The following ARMC9 variants were observed in gnomAD, a reference collection of about 807,000 sequenced individuals.
The protein encoded by ARMC9 is lisH domain-containing protein ARMC9.
In ARMC9, 94 loss-of-function variants were observed where a neutral mutation model predicts 107.0. The observed-to-expected ratio is 0.88, with a 90% CI of 0.74 to 1.04. The LOEUF is 1.04. Among genes scored for constraint, ARMC9 ranks in the 50% least tolerant of loss-of-function variants. The probability of loss-of-function intolerance (pLI) is 0.00; values close to 1 mark genes in which losing one functional copy is unlikely to be tolerated. For missense variants in ARMC9, 942 were observed against 1,030.1 expected, an observed-to-expected ratio of 0.91 and a Z score of 1.17; for synonymous variants, 380 against 396.9, an observed-to-expected ratio of 0.96 and a Z score of 0.51.
intron 9 of ARMC9, among the ~76,000 whole-genome samples, chr2:231,251,447 G>C (rs2037290238): frequency 6.6e-6 from 1 of 152,170 alleles, no homozygotes; most frequent in Non-Finnish European, 1.5e-5. Flanking sequence ...TGACAGATGT[G>C]AGCCACTGCA....
At chr2:231,345,187 T>C in intron 21 of ARMC9, 97 bp downstream of exon 21, 2 of 1,552,050 alleles carry the variant, frequency 1.3e-6, no homozygotes, top group Middle Eastern at 1.8e-4. Flanking sequence ...AAATAAAGCA[T>C]TCATTTTGAA....
At chr2:231,242,846 C>T (rs189707642) in intron 9 of ARMC9, among the ~76,000 whole-genome samples, 15 of 152,232 alleles carry the variant, frequency 9.9e-5, no homozygotes, top group African/African-American at 3.4e-4. Flanking sequence ...GGCATGGTGG[C>T]GCACACCTGT....
At chr2:231,309,374 C>T (rs1461929286) in intron 19 of ARMC9, among the ~76,000 whole-genome samples, 1 of 152,148 alleles carries the variant, frequency 6.6e-6, no homozygotes, top group Admixed American at 6.5e-5. Flanking sequence ...TTTACCAAAG[C>T]AGTGATGAGT....
At chr2:231,335,645 T>A (rs2044037704) in intron 20 of ARMC9, among the ~76,000 whole-genome samples, 1 of 152,216 alleles carries the variant, frequency 6.6e-6, no homozygotes, top group African/African-American at 2.4e-5. Context: ...TGCTTACTCG[T>A]AATTCTAGTG....
At chr2:231,371,473 C>A (rs2046018531) in intron 24 of ARMC9, 40 bp from the exon 25 acceptor site, 3 of 1,256,066 alleles carry the variant, frequency 2.4e-6, no homozygotes, top group African/African-American at 1.5e-5. Flanking sequence ...TGTGCGGAGA[C>A]CACACAGCAC....
Position 231,314,228 on chromosome 2 carries a change from C to T in ARMC9, c.1774-17565C>T, listed in dbSNP as rs141818695. On this transcript the variant is annotated intron_variant, in intron 19 of 24. Transcript: ENST00000611582. ...CCAAGTAGCTGGGATTACAGGCATG[C>T]GCCACCATGCCCGGCTAATTTTGTG... Among the ~76,000 whole-genome samples, 1,042 of 151,970 alleles carry T rather than the reference C, an allele frequency of 6.9e-3. 11 individuals are homozygous for T. The highest frequency in any genetic ancestry group is 0.024 in the African/African-American group (993 of 41,446).
chr2:231,235,606 C>G (rs563651017), intron 8 of ARMC9, among the ~76,000 whole-genome samples: 1 of 152,164 alleles, frequency 6.6e-6, no homozygotes, highest in South Asian at 2.1e-4. Flanking sequence ...TCTTAACATA[C>G]TGTCTGCCAT....
At chr2:231,351,309 C>G (rs1424422117) in intron 21 of ARMC9, among the ~76,000 whole-genome samples, 1 of 151,778 alleles carries the variant, frequency 6.6e-6, no homozygotes, top group Non-Finnish European at 1.5e-5. Flanking sequence ...CCAGGGAATC[C>G]CAGCAGAGAG....
chr2:231,216,025 C>T (rs1395626899), intron 4 of ARMC9, among the ~76,000 whole-genome samples: 1 of 152,214 alleles, frequency 6.6e-6, no homozygotes, highest in Non-Finnish European at 1.5e-5. Flanking sequence ...CAAAGCCCCA[C>T]ATTCACCTCC....
intron 7 of ARMC9, among the ~76,000 whole-genome samples, chr2:231,231,382 A>C (rs999950702): frequency 6.6e-6 from 1 of 152,074 alleles, no homozygotes; most frequent in African/African-American, 2.4e-5. Context: ...TATATGAAAA[A>C]CTTTATTTGT....
intron 19 of ARMC9, among the ~76,000 whole-genome samples, chr2:231,315,686 G>C (rs926949956): frequency 3.3e-5 from 5 of 152,032 alleles, no homozygotes; most frequent in African/African-American, 1.2e-4. Flanking sequence ...CAAAACACGA[G>C]TTCTTCAACT....
intron 20 of ARMC9, among the ~76,000 whole-genome samples, chr2:231,340,264 T>A (rs2044416223): frequency 6.6e-6 from 1 of 152,176 alleles, no homozygotes; most frequent in African/African-American, 2.4e-5. Flanking sequence ...AACATGTGGT[T>A]TTTTTCTTCT....
intron 3 of ARMC9, among the ~76,000 whole-genome samples, chr2:231,213,961 T>A (rs192348963): frequency 6.6e-6 from 1 of 152,374 alleles, no homozygotes; most frequent in Non-Finnish European, 1.5e-5. Flanking sequence ...TGCATTGTTT[T>A]GGACTCTTAA....
At chr2:231,303,859 C>T (rs1294781010) in intron 19 of ARMC9, among the ~76,000 whole-genome samples, 1 of 152,160 alleles carries the variant, frequency 6.6e-6, no homozygotes, top group Non-Finnish European at 1.5e-5. Context: ...TTGCTTGAAC[C>T]TGGGAGGTGG....
intron 1 of ARMC9, among the ~76,000 whole-genome samples, chr2:231,205,744 C>T (rs2031880269): frequency 6.6e-6 from 1 of 152,244 alleles, no homozygotes; most frequent in African/African-American, 2.4e-5. Flanking sequence ...TTTCACTGAG[C>T]TGAAGTCAAG....
At chr2:231,313,727 G>A (rs895711425) in intron 19 of ARMC9, among the ~76,000 whole-genome samples, 16 of 151,612 alleles carry the variant, frequency 1.1e-4, no homozygotes, top group Non-Finnish European at 1.5e-4. Context: ...ATTTTATATC[G>A]TATGCATGTG....
intron 19 of ARMC9, among the ~76,000 whole-genome samples, chr2:231,304,892 G>A (rs889646418): frequency 1.3e-5 from 2 of 152,146 alleles, no homozygotes; most frequent in African/African-American, 2.4e-5. Context: ...TTTCCTTAAA[G>A]TGACAGGCTC....
chr2:231,258,554 GAGGAACAGTGGCTTC>G (rs1193988266), intron 10 of ARMC9, among the ~76,000 whole-genome samples: 2 of 152,152 alleles, frequency 1.3e-5, no homozygotes, highest in Admixed American at 1.3e-4. Flanking sequence ...TCAGGCTTGA[GAGGAACAGTGGCTTC>G]AGGTGTTTAG....
intron 6 of ARMC9, among the ~76,000 whole-genome samples, chr2:231,225,410 A>G (rs2034549269): frequency 6.6e-6 from 1 of 152,190 alleles, no homozygotes; most frequent in Non-Finnish European, 1.5e-5. Flanking sequence ...CCTGTACACA[A>G]ATGTTCATAG....
Sources: allele counts gnomAD v4.1 joint callset (sites outside exome capture counted in the v4.1 genomes callset), GRCh38; gene constraint gnomAD v4.1.1; transcripts MANE v1.5; gene names NCBI Gene and HGNC (gene_info 2026-07-23, HGNC 2026-07-21).